Variants in CELSR3 observed in about 807,000 individuals in gnomAD.
CELSR3 encodes cadherin EGF LAG seven-pass G-type receptor 3.
In CELSR3, 73 loss-of-function variants were observed where a neutral mutation model predicts 270.0. That is an observed-to-expected ratio of 0.27 (90% CI 0.22 to 0.33). CELSR3 has a LOEUF of 0.33. Ranked by LOEUF, CELSR3 falls within the 10% of genes least tolerant of loss-of-function variation. The probability of loss-of-function intolerance (pLI) is 1.00; values close to 1 mark genes in which losing one functional copy is unlikely to be tolerated. For missense variants in CELSR3, 3,614 were observed against 4,533.8 expected (o/e 0.80, Z 5.83); for synonymous variants, 1,780 against 1,905.4 (o/e 0.93, Z 1.71).
Position 48,640,516 on chromosome 3 carries a change from G to A in CELSR3, c.9069C>T (p.Thr3023=). 1.2e-6 allele frequency: 2 copies of A among 1,605,592 alleles called. No homozygotes were observed. Among genetic ancestry groups the A allele is most frequent in the South Asian group, 2.2e-5 (2 of 90,756 alleles). Residue 3023 remains threonine, a synonymous_variant, in exon 34 of 35, where the codon ACC becomes ACT. Transcript: ENST00000164024. This position sits in a 1 kb window ranked among gnomAD's most constrained non-coding sequence, Gnocchi z 7.5. ...ACCAGGACAGCTCAGGGGCACCTCG[G>A]GTCTGTGGCACCAGTGGGTATTGCA... The part of the protein sequence containing the change: ...NRLQYPLVPQ[T]RGAPELSWCR...
In CELSR3 at chr3:48,642,012, G is replaced by A. The variant is rs1490853733; in HGVS notation, c.8666-3C>T. The A allele has an allele frequency of 6.6e-7, 1 of 1,526,214 alleles. No homozygotes were observed. Among genetic ancestry groups the A allele is most frequent in the South Asian group, 1.3e-5 (1 of 77,740 alleles). The allele number at this position is 1,526,214 out of a possible 1,614,324, so 94.5% of individuals were successfully genotyped here. ...ACTGTCAGAGTCGGAGTCTGCGCCT[G>A]GAGTTGGGAAAGTCAGAAGTACTTT... On this transcript the variant is annotated splice_polypyrimidine_tract_variant and splice_region_variant and intron_variant, in intron 31 of 34. Transcript: ENST00000164024. This position sits in a 1 kb window ranked among gnomAD's most constrained non-coding sequence, Gnocchi z 6.1.
chr3:48,643,855 G>T, intron 27 of CELSR3, 178 bp from the exon 28 acceptor site: 1 of 702,648 alleles, frequency 1.4e-6, no homozygotes, highest in Non-Finnish European at 2.3e-6. Flanking sequence ...CAAAGAAACA[G>T]GAGAGCAGTC....
Position 48,641,944 on chromosome 3 carries a change from A to G in CELSR3, c.8731T>C (p.Ser2911Pro). 6.2e-7 allele frequency: 1 copy of G among 1,602,670 alleles called. No homozygotes were observed. Among genetic ancestry groups the G allele is most frequent in the South Asian group, 1.1e-5 (1 of 89,688 alleles). The change falls in exon 32 of 35, where the codon TCA becomes CCA. Residue 2911 changes from serine to proline, a missense_variant. Ser to Pro is a moderately conservative substitution (Grantham distance 74). Transcript: ENST00000164024. The surrounding 1 kb of genome is among the most constrained non-coding windows in gnomAD (Gnocchi z 4.8). Reference sequence around the variant, plus strand: ...GTCCGGCCATTGTCCTCGCTTTCTGAAGATGGAATGGAGAGACTCCTCTCC... The same window carrying G: ...GTCCGGCCATTGTCCTCGCTTTCTGGAGATGGAATGGAGAGACTCCTCTCC... ...EEERSLSIPSSESEDNGRTRG... is the reference protein window; with the variant it reads ...EEERSLSIPSPESEDNGRTRG...
At position 48,659,791 on chromosome 3, in the gene CELSR3, C is replaced by T. The variant is rs781019864; in HGVS notation, c.2844G>A (p.Glu948=). ...IPQKADTTYV[E]VMVNDVNDNA... ...TGTCATTCACGTCATTGACCATCAC[C>T]TCCACATAAGTAGTGTCTGCCTTCT... The change falls in exon 1 of 35, where the codon GAG becomes GAA. Residue 948 remains glutamate, a synonymous_variant. Coordinates refer to ENST00000164024, the MANE Select transcript of CELSR3 (RefSeq NM_001407.3). The surrounding 1 kb of genome is among the most constrained non-coding windows in gnomAD (Gnocchi z 8.1). 11 of 1,614,130 alleles carry T rather than the reference C, an allele frequency of 6.8e-6. No homozygotes were observed.
In CELSR3 at chr3:48,662,129, G is replaced by C. The variant is rs1003203048; in HGVS notation, c.506C>G (p.Ser169Trp). ...SSGVPGSGNS[S>W]PLPSDFLIRH... Reference sequence around the variant, plus strand: ...AATCAAAAAGTCTGAAGGGAGGGGCGAGCTGTTCCCCGAGCCCGGGACCCC... The same window carrying C: ...AATCAAAAAGTCTGAAGGGAGGGGCCAGCTGTTCCCCGAGCCCGGGACCCC... The change falls in exon 1 of 35, where the codon TCG (serine) becomes TGG (tryptophan). Residue 169 changes from serine (S) to tryptophan (W), a missense_variant. Ser to Trp is a radical substitution (Grantham distance 177). Around this residue, in one of 7 missense-constraint regions of CELSR3, gnomAD observed 470 missense variants for 469.7 expected, o/e 1.00. Coordinates refer to ENST00000164024, the MANE Select transcript of CELSR3 (RefSeq NM_001407.3). This position sits in a 1 kb window ranked among gnomAD's most constrained non-coding sequence, Gnocchi z 7.1. The C allele has an allele frequency of 6.2e-7, 1 of 1,613,368 alleles. No individual in the cohort carries two copies. The highest frequency in any genetic ancestry group is 1.3e-5 in the African/African-American group (1 of 75,040).
At position 48,650,980 on chromosome 3, in the gene CELSR3, C is replaced by T; in HGVS notation, c.6282G>A (p.Gly2094=). The change falls in exon 15 of 35, where the codon GGG becomes GGA. Residue 2094 remains glycine (G), a synonymous_variant. Coordinates refer to ENST00000164024, the MANE Select transcript of CELSR3 (RefSeq NM_001407.3). This position sits in a 1 kb window ranked among gnomAD's most constrained non-coding sequence, Gnocchi z 5.1. ...GGGCTCCTGGGCGACAGGGGCACTG[C>T]CCGCTGTGGGGTGCACATGAGCGCG... is the stretch of plus-strand genomic sequence containing the variant. ...STSRSCAPHS[G]QCPCRPGALG... The T allele has an allele frequency of 6.2e-7, 1 of 1,611,530 alleles. No individual in the cohort carries two copies.
In CELSR3 at chr3:48,642,265, C is replaced by T; in HGVS notation, c.8665+93G>A. 1 of 1,354,790 alleles carries T rather than the reference C, an allele frequency of 7.4e-7. No homozygotes were observed. 83.9% of individuals were successfully genotyped at this position (1,354,790 alleles called of 1,614,324 possible). A position where few individuals can be genotyped will look rare whatever the true frequency, so the allele number is the denominator to read the frequency against. On this transcript the variant is annotated intron_variant, in intron 31 of 34. Coordinates refer to ENST00000164024, the MANE Select transcript of CELSR3 (RefSeq NM_001407.3). The surrounding 1 kb of genome is among the most constrained non-coding windows in gnomAD (Gnocchi z 6.1). ...GACCCTGGGGGAGATCGTCCCACCC[C>T]AGTCAGCCACTGCTCCCAGTATGGG...
intron 3 of CELSR3, 116 bp downstream of exon 3, chr3:48,656,024 C>A: frequency 8.2e-7 from 1 of 1,212,524 alleles, no homozygotes; most frequent in Non-Finnish European, 1.2e-6. Context: ...CCGGGCGGGG[C>A]GTCAGGGGAG....
Position 48,646,048 on chromosome 3 carries a change from A to T in CELSR3, c.7463+42T>A, listed in dbSNP as rs755007829. The T allele has an allele frequency of 2.2e-5, 35 of 1,605,504 alleles. No homozygotes were observed. The East Asian group carries it at 7.8e-4, about 36-fold the overall frequency. On this transcript the variant is annotated intron_variant, in intron 22 of 34. Coordinates refer to ENST00000164024, the MANE Select transcript of CELSR3 (RefSeq NM_001407.3). The surrounding 1 kb of genome is among the most constrained non-coding windows in gnomAD (Gnocchi z 4.8). ...GCTGGGACTATTAGTTGGCCTCCCA[A>T]GGGCTAACGGGACCAAGGGTTTCCA... is the stretch of plus-strand genomic sequence containing the variant.
In CELSR3 at chr3:48,661,306, G is replaced by A. The variant is rs1304582075; in HGVS notation, c.1329C>T (p.Arg443=). 9 of 1,613,292 alleles carry A rather than the reference G, an allele frequency of 5.6e-6. No individual in the cohort carries two copies. The highest frequency in any genetic ancestry group is 1.7e-6 in the Non-Finnish European group (2 of 1,179,836). The part of the protein sequence containing the change: ...FEQAQYRETL[R]ENVEEGYPIL... The stretch of plus-strand genomic sequence containing the variant: ...TAGGGTAGCCCTCCTCCACATTCTC[G>A]CGAAGGGTCTCCCGGTACTGCGCTT... Residue 443 remains arginine (R), a synonymous_variant, in exon 1 of 35, where the codon CGC becomes CGT. Transcript: ENST00000164024.
chr3:48,641,896 G>A lies in CELSR3; in HGVS notation c.8779C>T (p.Leu2927Phe), dbSNP rs762192150. ...CTCTCACTCTGGGCTGCTCGGCAGA[G>A]TGGCCGTTGGAAGCGCCCCCGCGTC... ...GRTRGRFQRPLCRAAQSERLL... is the reference protein window; with the variant it reads ...GRTRGRFQRPFCRAAQSERLL... The change falls in exon 32 of 35, where the codon CTC becomes TTC. Residue 2927 changes from leucine (L) to phenylalanine (F), a missense_variant. This residue lies in a region of CELSR3 where 1,240 missense variants were observed against 1,351.7 expected (regional missense o/e 0.92). Coordinates refer to ENST00000164024, the MANE Select transcript of CELSR3 (RefSeq NM_001407.3). This position sits in a 1 kb window ranked among gnomAD's most constrained non-coding sequence, Gnocchi z 4.8. 1.3e-6 allele frequency: 2 copies of A among 1,575,270 alleles called. No individual in the cohort carries two copies. The highest frequency in any genetic ancestry group is 2.3e-5 in the East Asian group (1 of 43,402).
In CELSR3 at chr3:48,638,093, AC is replaced by A; in HGVS notation, c.*111del. The A allele has an allele frequency of 1.1e-6, 1 of 895,214 alleles. No individual in the cohort carries two copies. The highest frequency in any genetic ancestry group is 1.9e-6 in the Non-Finnish European group (1 of 539,268). The allele number at this position is 895,214 out of a possible 1,614,324, so 55.5% of individuals were successfully genotyped here. A position where few individuals can be genotyped will look rare whatever the true frequency, so the allele number is the denominator to read the frequency against. On this transcript the variant is annotated 3_prime_UTR_variant, in exon 35 of 35. Transcript: ENST00000164024. ...CACACCAGGTAGAGCTGGGGCACCC[AC>A]CACTGGGGAGCAGGAGGCTGCCTTG...
Position 48,660,515 on chromosome 3 carries a change from C to A in CELSR3, c.2120G>T (p.Trp707Leu), listed in dbSNP as rs1458790024. Reference protein sequence around the residue: ...TPFVINSATGWVSVSGPLDRE... With the variant: ...TPFVINSATGLVSVSGPLDRE... ...GTCCAGGGGACCACTCACAGAGACC[C>A]AGCCAGTGGCGCTGTTTATCACAAA... is the stretch of plus-strand genomic sequence containing the variant. The change falls in exon 1 of 35, where the codon TGG (tryptophan) becomes TTG (leucine). Residue 707 changes from tryptophan to leucine, a missense_variant. By Grantham distance (61) the Trp-to-Leu change is moderately conservative. Coordinates refer to ENST00000164024, the MANE Select transcript of CELSR3 (RefSeq NM_001407.3). This position sits in a 1 kb window ranked among gnomAD's most constrained non-coding sequence, Gnocchi z 5.5. 2 of 1,614,064 alleles carry A rather than the reference C, an allele frequency of 1.2e-6. No individual in the cohort carries two copies. Among genetic ancestry groups the A allele is most frequent in the African/African-American group, 2.7e-5 (2 of 74,920 alleles).
chr3:48,652,389 G>A lies in CELSR3; in HGVS notation c.5751+48C>T. ...AGGTCCCAAGGAGCCCCTGACTTCT[G>A]ACCCCTGACCCTAATGCCCCATATC... On this transcript the variant is annotated intron_variant, in intron 11 of 34. Coordinates refer to ENST00000164024, the MANE Select transcript of CELSR3 (RefSeq NM_001407.3). This position sits in a 1 kb window ranked among gnomAD's most constrained non-coding sequence, Gnocchi z 4.3. 1 of 1,453,006 alleles carries A rather than the reference G, an allele frequency of 6.9e-7. No homozygotes were observed. Among genetic ancestry groups the A allele is most frequent in the Non-Finnish European group, 9.7e-7 (1 of 1,034,170 alleles). The allele number at this position is 1,453,006 out of a possible 1,614,324, so 90.0% of individuals were successfully genotyped here.
Position 48,647,926 on chromosome 3 carries a change from G to T in CELSR3, c.7044C>A (p.Ser2348Arg). Residue 2348 changes from serine to arginine, a missense_variant, in exon 20 of 35, where the codon AGC becomes AGA. Physicochemically the swap from Ser to Arg is moderately radical, Grantham distance 110. This residue lies in a region of CELSR3 where 1,240 missense variants were observed against 1,351.7 expected (regional missense o/e 0.92). Transcript: ENST00000164024. ...AGGCATCCTGGCCTCGAAAGAGGTT[G>T]CTATGGTAGCGAGGGTAGCGACGGG... ...RGARRYPRYH[S>R]NLFRGQDAWD... The T allele has an allele frequency of 1.2e-6, 2 of 1,612,148 alleles. No individual in the cohort carries two copies. Among genetic ancestry groups the T allele is most frequent in the Non-Finnish European group, 8.5e-7 (1 of 1,179,700 alleles).
Position 48,658,212 on chromosome 3 carries a change from G to C in CELSR3, c.3748+675C>G, listed in dbSNP as rs933491686. Among the ~76,000 whole-genome samples the C allele has an allele frequency of 6.6e-6, 1 of 152,204 alleles. No individual in the cohort carries two copies. Among genetic ancestry groups the C allele is most frequent in the African/African-American group, 2.4e-5 (1 of 41,448 alleles). ...GGCAGTGCCAGGAGTCCCTGCTCCA[G>C]AACTGAGGAATGAGCACCAGTGAAG... On this transcript the variant is annotated intron_variant, in intron 1 of 34. Transcript: ENST00000164024. This position sits in a 1 kb window ranked among gnomAD's most constrained non-coding sequence, Gnocchi z 4.7.
rs60636203 is a variant in CELSR3 at position 48,653,279 on chromosome 3, A to G, written c.5449-92T>C. On this transcript the variant is annotated intron_variant, in intron 9 of 34. Transcript: ENST00000164024. The surrounding 1 kb of genome is among the most constrained non-coding windows in gnomAD (Gnocchi z 6.5). The stretch of plus-strand genomic sequence containing the variant: ...AGAGGGCTCAGAGGTCAGGAATATC[A>G]GAGGTCAGAACAGTGGGGTCAAGGT... 2.0e-3 allele frequency: 2,459 copies of G among 1,210,044 alleles called. 39 individuals carry two copies. In the African/African-American group the frequency reaches 0.032, roughly 16 times the overall value. 75.0% of individuals were successfully genotyped at this position (1,210,044 alleles called of 1,614,324 possible). A position where few individuals can be genotyped will look rare whatever the true frequency, so the allele number is the denominator to read the frequency against.
rs202234957 is a variant in CELSR3 at position 48,645,156 on chromosome 3, G to A, written c.7851C>T (p.Phe2617=). ...GCAGCCCCTGCACGAAGAGCCACGC[G>A]AAGGTGCTGAGGAAGAAGTAGTGCA... ...ILLHYFFLST[F]AWLFVQGLHL... Residue 2617 remains phenylalanine (F), a synonymous_variant, in exon 25 of 35, where the codon TTC becomes TTT. Coordinates refer to ENST00000164024, the MANE Select transcript of CELSR3 (RefSeq NM_001407.3). This position sits in a 1 kb window ranked among gnomAD's most constrained non-coding sequence, Gnocchi z 5.4. 4.3e-5 allele frequency: 69 copies of A among 1,596,606 alleles called. No individual in the cohort carries two copies. Among genetic ancestry groups the A allele is most frequent in the Non-Finnish European group, 5.4e-5 (63 of 1,166,958 alleles).
At chr3:48,656,486 G>A (rs1424432586) in intron 2 of CELSR3, 121 bp from the exon 3 acceptor site, 4 of 1,147,806 alleles carry the variant, frequency 3.5e-6, no homozygotes, top group Non-Finnish European at 4.6e-6. Context: ...CCTCTTCGGT[G>A]GACACGCCCC....
Sources: gnomAD v4.1 joint callset for allele counts (sites outside exome capture counted in the v4.1 genomes callset) on GRCh38, gnomAD v4.1.1 for gene constraint, gnomAD v4.1.1 regional missense constraint, Gnocchi (gnomAD v3.1) non-coding constraint, MANE v1.5 for transcripts, NCBI Gene and HGNC (gene_info 2026-07-23, HGNC 2026-07-21) for gene names.